C12orf42: variants seen among roughly 807,000 people sequenced by gnomAD.
C12orf42 encodes the protein chromosome 12 open reading frame 42.
C12orf42 carries 25 observed loss-of-function variants against 21.6 expected under a neutral mutation model. The ratio of observed to expected loss-of-function variants is 1.16; its 90% CI spans 0.84 to 1.62. The LOEUF is 1.62. C12orf42 is among the 40% of genes most tolerant of loss of function. The probability of loss-of-function intolerance (pLI) is 0.00; values close to 1 mark genes in which losing one functional copy is unlikely to be tolerated. For synonymous variants in C12orf42, 174 were observed against 175.0 expected, an observed-to-expected ratio of 0.99 and a Z score of 0.05; for missense variants, 483 against 459.3, an observed-to-expected ratio of 1.05 and a Z score of -0.47.
the C12orf42 span, among the ~76,000 whole-genome samples, chr12:103,513,145 G>A: frequency 6.6e-6 from 1 of 152,144 alleles, no homozygotes; most frequent in Admixed American, 6.6e-5. Context: ...CTCCAATGAG[G>A]CAGGTGTTCC....
chr12:103,062,119 A>C, the C12orf42 span, among the ~76,000 whole-genome samples: 9 of 151,904 alleles, frequency 5.9e-5, no homozygotes, highest in African/African-American at 2.2e-4. Context: ...TTAGTATTCC[A>C]TTAGCCAATC....
chr12:103,249,135 C>T (rs866496366), intron 10 of C12orf42, among the ~76,000 whole-genome samples: 3 of 151,850 alleles, frequency 2.0e-5, no homozygotes, highest in Non-Finnish European at 2.9e-5. Context: ...TAGAAGGAGA[C>T]GCTTAAGATG....
At chr12:103,185,108 T>C in the C12orf42 span, among the ~76,000 whole-genome samples, 1 of 152,164 alleles carries the variant, frequency 6.6e-6, no homozygotes, top group Non-Finnish European at 1.5e-5. Flanking sequence ...ACTAAGGGTA[T>C]GGGATAAATG....
the C12orf42 span, among the ~76,000 whole-genome samples, chr12:103,217,451 C>T: frequency 6.6e-6 from 1 of 151,482 alleles, no homozygotes; most frequent in Non-Finnish European, 1.5e-5. Context: ...ATCCCTTGAG[C>T]CTCAGAGGTC....
At chr12:103,229,531 G>A in the C12orf42 span, among the ~76,000 whole-genome samples, 1 of 152,192 alleles carries the variant, frequency 6.6e-6, no homozygotes, top group Non-Finnish European at 1.5e-5. Context: ...GTATACATTA[G>A]TCTAGTCTTA....
intron 4 of C12orf42, among the ~76,000 whole-genome samples, chr12:103,346,433 G>A (rs1851932287): frequency 6.6e-6 from 1 of 152,014 alleles, no homozygotes; most frequent in Admixed American, 6.6e-5. Flanking sequence ...GGTAAAAAAT[G>A]TGTATATTTA....
chr12:103,521,064 A>G, the C12orf42 span, among the ~76,000 whole-genome samples: 1 of 152,210 alleles, frequency 6.6e-6, no homozygotes, highest in African/African-American at 2.4e-5. Context: ...TATAGGTTGT[A>G]GGATATGGCA....
chr12:103,389,373 T>C (rs575345437), intron 3 of C12orf42, among the ~76,000 whole-genome samples: 2 of 152,320 alleles, frequency 1.3e-5, no homozygotes, highest in South Asian at 2.1e-4. Flanking sequence ...CATCGTGACA[T>C]GTATCTTCTC....
chr12:103,132,882 C>T, the C12orf42 span, among the ~76,000 whole-genome samples: 14 of 152,298 alleles, frequency 9.2e-5, no homozygotes, highest in African/African-American at 2.9e-4. Context: ...AAAGGAGCCC[C>T]ACCCTCCCCA....
At chr12:103,081,019 T>C in the C12orf42 span, 6 of 152,192 alleles carry the variant, frequency 3.9e-5, no homozygotes, top group Non-Finnish European at 8.8e-5. Flanking sequence ...CATGTACTTA[T>C]GTATTTGCAT....
intron 10 of C12orf42, among the ~76,000 whole-genome samples, chr12:103,238,248 G>A (rs912070401): frequency 1.3e-5 from 2 of 151,158 alleles, no homozygotes; most frequent in African/African-American, 4.9e-5. Flanking sequence ...TTAACCTACT[G>A]TGTGTGGCTG....
intron 10 of C12orf42, among the ~76,000 whole-genome samples, chr12:103,255,243 A>G (rs2034504186): frequency 6.6e-6 from 1 of 152,026 alleles, no homozygotes; most frequent in African/African-American, 2.4e-5. Context: ...GGGGTGGTGC[A>G]TGCCTGTAGT....
intron 2 of C12orf42, among the ~76,000 whole-genome samples, chr12:103,462,096 G>GTTTTTGTTTTTTTTTTTTT (rs1952752310): frequency 3.6e-5 from 1 of 27,724 alleles, no homozygotes; most frequent in African/African-American, 1.4e-4. Flanking sequence ...TTTTTGCTTG[G>GTTTTTGTTTTTTTTTTTTT]TTTTTTTTTT....
At chr12:103,119,477 G>A in the C12orf42 span, among the ~76,000 whole-genome samples, 1 of 152,130 alleles carries the variant, frequency 6.6e-6, no homozygotes, top group Non-Finnish European at 1.5e-5. Context: ...TAGGGGAAGA[G>A]CTCAGGAAAT....
intron 3 of C12orf42, among the ~76,000 whole-genome samples, chr12:103,388,204 G>C (rs1488676655): frequency 6.6e-6 from 1 of 152,108 alleles, no homozygotes; most frequent in Non-Finnish European, 1.5e-5. Context: ...CATCTGCTAG[G>C]CCATTCCTGG....
chr12:103,210,092 G>A, the C12orf42 span, among the ~76,000 whole-genome samples: 1 of 151,054 alleles, frequency 6.6e-6, no homozygotes, highest in East Asian at 1.9e-4. Flanking sequence ...GTGAATTTTA[G>A]ACATTTTCTA....
intron 4 of C12orf42, 70 bp downstream of exon 4, chr12:103,368,816 AT>A (rs2044878659): frequency 3.9e-6 from 3 of 763,892 alleles, no homozygotes; most frequent in Non-Finnish European, 6.3e-6. Context: ...AATCTTTATG[AT>A]TATTACCTGT....
intron 4 of C12orf42, among the ~76,000 whole-genome samples, chr12:103,347,056 C>T (rs1593537930): frequency 6.6e-6 from 1 of 152,072 alleles, no homozygotes; most frequent in African/African-American, 2.4e-5. Context: ...TTGTAATTAC[C>T]ACTTTTTTAT....
chr12:103,268,824 T>C (rs1016334100), exon 7 of C12orf42: 14 of 152,172 alleles, frequency 9.2e-5, no homozygotes, highest in Admixed American at 2.6e-4. Flanking sequence ...TCACATATAA[T>C]GCATGAAAAA....
Sources: allele counts gnomAD v4.1 joint callset (sites outside exome capture counted in the v4.1 genomes callset), GRCh38; gene constraint gnomAD v4.1.1; transcripts MANE v1.5; gene names NCBI Gene and HGNC (gene_info 2026-07-23, HGNC 2026-07-21).